The following PTPRO variants were observed in gnomAD, a reference collection of about 807,000 sequenced individuals.
PTPRO encodes the protein protein tyrosine phosphatase receptor type O.
Under a neutral mutation model 145.2 loss-of-function variants are expected in PTPRO, and 62 were observed. That is an observed-to-expected ratio of 0.43 (90% CI 0.35 to 0.53). The LOEUF is 0.53. Ranked by LOEUF, PTPRO falls within the 20% of genes least tolerant of loss-of-function variation. The pLI is 0.01. For synonymous variants in PTPRO, 565 were observed against 514.7 expected, an observed-to-expected ratio of 1.10 and a Z score of -1.32; for missense variants, 1,345 against 1,482.7, an observed-to-expected ratio of 0.91 and a Z score of 1.53.
intron 1 of PTPRO, among the ~76,000 whole-genome samples, chr12:15,427,180 T>C (rs1940308631): frequency 6.6e-6 from 1 of 152,066 alleles, no homozygotes. Flanking sequence ...TTTCTCTTTA[T>C]TCCCTGTTCT....
At chr12:15,505,353 T>C (rs78318138) in intron 6 of PTPRO, among the ~76,000 whole-genome samples, 2,844 of 152,340 alleles carry the variant, frequency 0.019, 30 homozygotes, top group Non-Finnish European at 0.03. Context: ...GCTGGAGTTA[T>C]ACTGTTTGCA....
At chr12:15,482,160 T>C (rs1465905162) in intron 1 of PTPRO, among the ~76,000 whole-genome samples, 2 of 150,328 alleles carry the variant, frequency 1.3e-5, no homozygotes, top group Non-Finnish European at 2.9e-5. Context: ...TGTGTGTGTG[T>C]GTGTGTGTAT....
chr12:15,410,084 A>G (rs1939756145), intron 1 of PTPRO, among the ~76,000 whole-genome samples: 1 of 152,322 alleles, frequency 6.6e-6, no homozygotes, highest in Admixed American at 6.5e-5. Flanking sequence ...AAGAAAAATG[A>G]AAAAAAGAGA....
At position 15,551,648 on chromosome 12, in the gene PTPRO, G is replaced by A; in HGVS notation, c.2535G>A (p.Arg845=). 1 of 1,613,464 alleles carries A rather than the reference G, an allele frequency of 6.2e-7. No homozygotes were observed. The highest frequency in any genetic ancestry group is 2.2e-5 in the East Asian group (1 of 44,826). ...GLLLVTLIIL[R]KKHLQMAREC... is the part of the protein sequence containing the mutation. ...TGCTTGTTACCCTCATTATTCTTAG[G>A]AAAAAGCATCTGCAGATGGCTAGGT... The change falls in exon 15 of 27, where the codon AGG becomes AGA. Residue 845 remains arginine, a synonymous_variant. Coordinates refer to ENST00000281171, the MANE Select transcript of PTPRO (RefSeq NM_030667.3).
intron 19 of PTPRO, among the ~76,000 whole-genome samples, chr12:15,573,099 G>A (rs1255683854): frequency 1.3e-5 from 2 of 152,126 alleles, no homozygotes; most frequent in Non-Finnish European, 2.9e-5. Flanking sequence ...CAAATATGAT[G>A]TATATATAGA....
At chr12:15,581,569 C>T (rs1019733569) in intron 22 of PTPRO, 110 bp from the exon 23 acceptor site, 52 of 1,294,312 alleles carry the variant, frequency 4.0e-5, no homozygotes, top group Admixed American at 2.4e-4. Flanking sequence ...ATCTTCACCA[C>T]GGTCCTATCT....
chr12:15,509,152 T>C (rs1942384063), intron 7 of PTPRO, among the ~76,000 whole-genome samples: 1 of 152,108 alleles, frequency 6.6e-6, no homozygotes, highest in Non-Finnish European at 1.5e-5. Context: ...AGGCCTCAGC[T>C]TAAAATGAAT....
Position 15,597,732 on chromosome 12 carries a change from C to T in PTPRO, c.*1659C>T, listed in dbSNP as rs1164971661. ...CTGCAGGTTAACAGCTTGGGCTCCTCAGGGGTTGTCAGTTCCTACTCACCT... is the reference window on the plus strand; with the variant it reads ...CTGCAGGTTAACAGCTTGGGCTCCTTAGGGGTTGTCAGTTCCTACTCACCT... On this transcript the variant is annotated 3_prime_UTR_variant, in exon 27 of 27. Transcript: ENST00000281171. Among the ~76,000 whole-genome samples, 1 of 152,174 alleles carries T rather than the reference C, an allele frequency of 6.6e-6. No individual in the cohort carries two copies. The highest frequency in any genetic ancestry group is 1.5e-5 in the Non-Finnish European group (1 of 68,028).
chr12:15,543,736 G>A (rs537632486), intron 12 of PTPRO, among the ~76,000 whole-genome samples: 1 of 152,280 alleles, frequency 6.6e-6, no homozygotes, highest in East Asian at 1.9e-4. Flanking sequence ...AATAATTAAA[G>A]GCAGTAGAAT....
intron 1 of PTPRO, among the ~76,000 whole-genome samples, chr12:15,385,449 G>A (rs538870089): frequency 6.6e-6 from 1 of 152,228 alleles, no homozygotes; most frequent in East Asian, 1.9e-4. Context: ...TATACACTTG[G>A]CCTTGGAGAG....
chr12:15,544,591 G>GAT (rs1565697634), intron 12 of PTPRO, among the ~76,000 whole-genome samples: 1 of 150,990 alleles, frequency 6.6e-6, no homozygotes, highest in African/African-American at 2.4e-5. Context: ...AATAAGGGAA[G>GAT]AGCCTCAGAA....
At chr12:15,405,654 A>G (rs1353490371) in intron 1 of PTPRO, among the ~76,000 whole-genome samples, 1 of 152,224 alleles carries the variant, frequency 6.6e-6, no homozygotes, top group Non-Finnish European at 1.5e-5. Context: ...ATCTAGGACC[A>G]TCTTTATTCC....
intron 17 of PTPRO, 49 bp from the exon 18 acceptor site, chr12:15,565,544 A>T (rs991717852): frequency 8.1e-7 from 1 of 1,229,474 alleles, no homozygotes; most frequent in Admixed American, 1.7e-5. Context: ...TATTATGTTA[A>T]TCAATTCTTC....
At chr12:15,358,965 A>T (rs1266632342) in intron 1 of PTPRO, among the ~76,000 whole-genome samples, 2 of 152,214 alleles carry the variant, frequency 1.3e-5, no homozygotes, top group Non-Finnish European at 2.9e-5. Context: ...ATTTTATGGA[A>T]TGAGTCCAAA....
intron 1 of PTPRO, among the ~76,000 whole-genome samples, chr12:15,388,654 G>A (rs913232452): frequency 6.6e-6 from 1 of 152,144 alleles, no homozygotes; most frequent in African/African-American, 2.4e-5. Flanking sequence ...ATAGATAACA[G>A]CATGTCCAAT....
chr12:15,585,397 T>C (rs1300677388), intron 23 of PTPRO, among the ~76,000 whole-genome samples: 2 of 152,192 alleles, frequency 1.3e-5, no homozygotes, highest in African/African-American at 2.4e-5. Flanking sequence ...AGCGTCTTTG[T>C]AGACTTCATG....
chr12:15,357,238 T>G (rs1437575283), intron 1 of PTPRO, among the ~76,000 whole-genome samples: 1 of 152,262 alleles, frequency 6.6e-6, no homozygotes, highest in Non-Finnish European at 1.5e-5. Context: ...GTATTCTGAC[T>G]GCTACTGTCA....
rs114382635 is a variant in PTPRO, at chr12:15,574,444, T to C, written c.2830-4409T>C. Reference sequence around the variant, plus strand: ...ATTAATGTCTGTGCTTAGTGTTTGATCAGGATACTAGTAAAGGCCCTCACC... The same window carrying C: ...ATTAATGTCTGTGCTTAGTGTTTGACCAGGATACTAGTAAAGGCCCTCACC... On this transcript the variant is annotated intron_variant, in intron 19 of 26. Transcript: ENST00000281171. Among the ~76,000 whole-genome samples, 578 of 152,326 alleles carry C rather than the reference T, an allele frequency of 3.8e-3. 3 individuals are homozygous for C. The highest frequency in any genetic ancestry group is 0.014 in the African/African-American group (564 of 41,564).
chr12:15,484,020 T>C lies in PTPRO; in HGVS notation c.122T>C (p.Val41Ala), dbSNP rs1565656700. ...ACTGTCCAAGATGATAATAACATCG[T>C]TGTCTCATTAGAAGCTTCAGACGTC... ...HVTVQDDNNIVVSLEASDVIS... is the reference protein window; with the variant it reads ...HVTVQDDNNIAVSLEASDVIS... The change falls in exon 2 of 27, where the codon GTT becomes GCT. Residue 41 changes from valine (V) to alanine (A), a missense_variant. This residue lies in a region of PTPRO where 1,130 missense variants were observed against 1,214.7 expected (regional missense o/e 0.93). Transcript: ENST00000281171. 6.2e-7 allele frequency: 1 copy of C among 1,613,604 alleles called. No individual in the cohort carries two copies. The highest frequency in any genetic ancestry group is 8.5e-7 in the Non-Finnish European group (1 of 1,179,560).
Sources: gnomAD v4.1 joint callset for allele counts (sites outside exome capture counted in the v4.1 genomes callset) on GRCh38, gnomAD v4.1.1 for gene constraint, gnomAD v4.1.1 regional missense constraint, MANE v1.5 for transcripts, NCBI Gene and HGNC (gene_info 2026-07-23, HGNC 2026-07-21) for gene names.